Variants in PTPRN2 observed in about 807,000 individuals in gnomAD.
PTPRN2 encodes the protein protein tyrosine phosphatase receptor type N2, also known as receptor-type tyrosine-protein phosphatase N2.
Under a neutral mutation model 118.8 loss-of-function variants are expected in PTPRN2, and 74 were observed. The ratio of observed to expected loss-of-function variants is 0.62; its 90% CI spans 0.52 to 0.76. PTPRN2 has a LOEUF of 0.76. Among genes scored for constraint, PTPRN2 ranks in the 30% least tolerant of loss-of-function variants. The pLI, the probability that PTPRN2 is intolerant of heterozygous loss-of-function variation, is 0.00. For synonymous variants in PTPRN2, 641 were observed against 608.0 expected, an observed-to-expected ratio of 1.05 and a Z score of -0.80; for missense variants, 1,481 against 1,394.4, an observed-to-expected ratio of 1.06 and a Z score of -0.99.
At position 157,944,310 on chromosome 7, in the gene PTPRN2, C is replaced by T. The variant is rs1010162978; in HGVS notation, c.1724-45573G>A. Among the ~76,000 whole-genome samples, 3 of 152,190 alleles carry T rather than the reference C, an allele frequency of 2.0e-5. No homozygotes were observed. Among genetic ancestry groups the T allele is most frequent in the South Asian group, 2.1e-4 (1 of 4,820 alleles). ...TAACCAACACACGGCCCAGCAGTCTCGGTCAGTGGAGCCCACCACCCAAGC... is the reference window on the plus strand; with the variant it reads ...TAACCAACACACGGCCCAGCAGTCTTGGTCAGTGGAGCCCACCACCCAAGC... On this transcript the variant is annotated intron_variant, in intron 11 of 22. Transcript: ENST00000389418. This position sits in a 1 kb window ranked among gnomAD's most constrained non-coding sequence, Gnocchi z 4.3.
chr7:157,846,518 C>T (rs919624195), intron 12 of PTPRN2, among the ~76,000 whole-genome samples: 7 of 152,072 alleles, frequency 4.6e-5, no homozygotes, highest in African/African-American at 1.7e-4. Flanking sequence ...GGGGCCGGAA[C>T]GGAGGGGGAA....
At chr7:158,532,007 C>T (rs1420831293) in intron 1 of PTPRN2, among the ~76,000 whole-genome samples, 1 of 152,222 alleles carries the variant, frequency 6.6e-6, no homozygotes, top group Non-Finnish European at 1.5e-5. Context: ...GTCCTTCCCT[C>T]TGAAGGGTCA....
intron 1 of PTPRN2, among the ~76,000 whole-genome samples, chr7:158,583,560 C>T (rs1828746848): frequency 6.6e-6 from 1 of 152,072 alleles, no homozygotes; most frequent in African/African-American, 2.4e-5. Context: ...GACGCTAACA[C>T]ACAGCTAAGC....
intron 12 of PTPRN2, among the ~76,000 whole-genome samples, chr7:157,756,084 A>T (rs1295835786): frequency 6.6e-6 from 1 of 152,178 alleles, no homozygotes; most frequent in Non-Finnish European, 1.5e-5. Context: ...AGTTTTAACC[A>T]AAAATATACT....
chr7:158,130,710 T>A lies in PTPRN2; in HGVS notation c.1556+2967A>T, dbSNP rs112570061. 8.7e-3 allele frequency among the ~76,000 whole-genome samples: 702 copies of A among 80,430 alleles called. 17 individuals carry two copies. The East Asian group carries it at 0.15, about 17-fold the overall frequency. 52.8% of individuals were successfully genotyped at this position (80,430 alleles called of 152,430 possible). ...ACACACACATCTACCCAACACACAC[T>A]CATATACACACATGCACATACGCAC... On this transcript the variant is annotated intron_variant, in intron 9 of 22. Transcript: ENST00000389418.
intron 12 of PTPRN2, among the ~76,000 whole-genome samples, chr7:157,871,962 G>A (rs182450410): frequency 1.2e-3 from 143 of 117,476 alleles, no homozygotes; most frequent in Middle Eastern, 6.4e-3. Context: ...CATACCCAGC[G>A]CTTCCCCACA....
intron 21 of PTPRN2, among the ~76,000 whole-genome samples, chr7:157,559,055 G>A (rs890769191): frequency 2.0e-4 from 30 of 152,220 alleles, no homozygotes; most frequent in Admixed American, 2.0e-4. Context: ...CCACACGCAC[G>A]TTCTGTCTCA....
At chr7:158,511,184 T>C (rs1196448550) in intron 1 of PTPRN2, among the ~76,000 whole-genome samples, 1 of 152,184 alleles carries the variant, frequency 6.6e-6, no homozygotes, top group Admixed American at 6.5e-5. Flanking sequence ...CCCTTCATGC[T>C]CTTACCTTTT....
intron 2 of PTPRN2, among the ~76,000 whole-genome samples, chr7:158,454,584 T>G (rs1421964776): frequency 6.6e-6 from 1 of 151,376 alleles, no homozygotes; most frequent in Non-Finnish European, 1.5e-5. Flanking sequence ...TTGGGGACGG[T>G]TGCTACAGAG....
intron 12 of PTPRN2, among the ~76,000 whole-genome samples, chr7:157,782,569 C>T (rs1196018982): frequency 2.0e-5 from 3 of 152,206 alleles, no homozygotes; most frequent in Non-Finnish European, 2.9e-5. Flanking sequence ...ACAGAAACAG[C>T]AGAAATAACC....
rs185891840 is a variant in PTPRN2 at position 158,514,984 on chromosome 7, A to C, written c.113-25199T>G. ...ATCATCTGAAGAAGAGGATTCCGTG[A>C]CCACTCTTATTTTATCTCCACAGTA... On this transcript the variant is annotated intron_variant, in intron 1 of 22. Coordinates refer to ENST00000389418, the MANE Select transcript of PTPRN2 (RefSeq NM_002847.5). Among the ~76,000 whole-genome samples the C allele has an allele frequency of 9.9e-5, 15 of 152,260 alleles. 1 individual carries two copies. The highest frequency in any genetic ancestry group is 3.4e-3 in the Middle Eastern group (1 of 294).
At chr7:158,262,347 A>ACACATATTCC (rs1563053627) in intron 3 of PTPRN2, among the ~76,000 whole-genome samples, 25 of 142,000 alleles carry the variant, frequency 1.8e-4, no homozygotes, top group Non-Finnish European at 3.3e-4. Context: ...ACACATATTC[A>ACACATATTCC]CACACACTGC....
chr7:158,138,347 G>A lies in PTPRN2; in HGVS notation c.1079C>T (p.Ser360Phe), dbSNP rs952118547. The A allele has an allele frequency of 6.2e-7, 1 of 1,613,612 alleles. No individual in the cohort carries two copies. Among genetic ancestry groups the A allele is most frequent in the Admixed American group, 1.7e-5 (1 of 60,004 alleles). Residue 360 changes from serine to phenylalanine, a missense_variant, in exon 7 of 23, where the codon TCT becomes TTT. By Grantham distance (155) the Ser-to-Phe change is radical. This residue lies in a region of PTPRN2 where 1,115 missense variants were observed against 994.2 expected (regional missense o/e 1.12). Transcript: ENST00000389418. ...CTTGGGGCCATCCGCCTGTTCTCCA[G>A]ACTCTCCCAGGGCCGCTCTCCCAGG... Reference protein sequence around the residue: ...GSPGRAALGESGEQADGPKAT... With the variant: ...GSPGRAALGEFGEQADGPKAT...
chr7:158,076,599 G>A (rs143519694), intron 11 of PTPRN2, among the ~76,000 whole-genome samples: 7 of 152,336 alleles, frequency 4.6e-5, no homozygotes, highest in African/African-American at 1.4e-4. Context: ...TATGAAGTCC[G>A]ATTCTGAATT....
intron 11 of PTPRN2, among the ~76,000 whole-genome samples, chr7:158,078,096 A>G (rs10238207): frequency 3.9e-5 from 6 of 151,950 alleles, no homozygotes; most frequent in African/African-American, 7.2e-5. Context: ...GAGTAATGGA[A>G]AGCAGCTGCC....
At position 158,530,711 on chromosome 7, in the gene PTPRN2, G is replaced by C. The variant is rs146511242; in HGVS notation, c.113-40926C>G. 2.7e-3 allele frequency among the ~76,000 whole-genome samples: 416 copies of C among 152,308 alleles called. 3 individuals are homozygous for C. Among genetic ancestry groups the C allele is most frequent in the African/African-American group, 9.5e-3 (393 of 41,546 alleles). On this transcript the variant is annotated intron_variant, in intron 1 of 22. Transcript: ENST00000389418. ...ACATATGAAACAGAGTGAGTGCTGG[G>C]GTTGCAAAGACCCAGACCACAAAGA...
chr7:157,784,289 C>T lies in PTPRN2; in HGVS notation c.1789-101352G>A, dbSNP rs1803877367. ...GGAGGCCAAGTGGGGGGCCTGCCCC[C>T]ACCTCTGGGGTCTCAGCATCTGCAC... On this transcript the variant is annotated intron_variant, in intron 12 of 22. Coordinates refer to ENST00000389418, the MANE Select transcript of PTPRN2 (RefSeq NM_002847.5). The surrounding 1 kb of genome is among the most constrained non-coding windows in gnomAD (Gnocchi z 4.6). Among the ~76,000 whole-genome samples the T allele has an allele frequency of 6.6e-6, 1 of 152,136 alleles. No individual in the cohort carries two copies. Among genetic ancestry groups the T allele is most frequent in the African/African-American group, 2.4e-5 (1 of 41,450 alleles).
At chr7:158,352,624 G>C (rs1400734257) in intron 2 of PTPRN2, among the ~76,000 whole-genome samples, 1 of 152,146 alleles carries the variant, frequency 6.6e-6, no homozygotes, top group Non-Finnish European at 1.5e-5. Flanking sequence ...GAAGGCTCTG[G>C]GCCCCACACA....
chr7:158,002,958 T>TG (rs1055687471), intron 11 of PTPRN2, among the ~76,000 whole-genome samples: 16 of 151,820 alleles, frequency 1.1e-4, no homozygotes, highest in African/African-American at 3.9e-4. Flanking sequence ...GCAGCACAAG[T>TG]GGGGGTCTGC....
Sources: allele counts gnomAD v4.1 joint callset (sites outside exome capture counted in the v4.1 genomes callset), GRCh38; gene constraint gnomAD v4.1.1; regional missense constraint gnomAD v4.1.1; non-coding constraint Gnocchi (gnomAD v3.1); transcripts MANE v1.5; gene names NCBI Gene and HGNC (gene_info 2026-07-23, HGNC 2026-07-21).